The following TMEM94 variants were observed in gnomAD, a reference collection of about 807,000 sequenced individuals.
TMEM94 encodes the protein transmembrane protein 94.
In TMEM94, 81 loss-of-function variants were observed where a neutral mutation model predicts 158.6. The observed-to-expected ratio is 0.51, with a 90% confidence interval of 0.43 to 0.61. The LOEUF (loss-of-function observed/expected upper bound fraction) is 0.61. TMEM94 is among the 20% of genes least tolerant of loss of function. The probability of loss-of-function intolerance (pLI) is 0.00; values close to 1 mark genes in which losing one functional copy is unlikely to be tolerated. For synonymous variants in TMEM94, 751 were observed against 730.7 expected, an observed-to-expected ratio of 1.03 and a Z score of -0.45; for missense variants, 1,435 against 1,762.0, an observed-to-expected ratio of 0.81 and a Z score of 3.32.
rs758916342 is a variant in TMEM94 at position 75,490,771 on chromosome 17, C to T, written c.1128+13C>T. 1.7e-5 allele frequency: 28 copies of T among 1,611,616 alleles called. No homozygotes were observed. The highest frequency in any genetic ancestry group is 2.3e-5 in the Non-Finnish European group (27 of 1,177,874). ...TGTCTCCTCTCAGGTACAACACTGA[C>T]CCGGGATGGCTTCTCTCGCAGGTCC... On this transcript the variant is annotated intron_variant, in intron 11 of 31. Coordinates refer to ENST00000314256, the MANE Select transcript of TMEM94 (RefSeq NM_014738.6).
chr17:75,485,930 G>A lies in TMEM94; in HGVS notation c.204G>A (p.Pro68=), dbSNP rs755670959. The change falls in exon 4 of 32, where the codon CCG becomes CCA. Residue 68 remains proline (P), a synonymous_variant. Transcript: ENST00000314256. The surrounding 1 kb of genome is among the most constrained non-coding windows in gnomAD (Gnocchi z 5.5). ...ACCGCTGCTCCTGCTTCCACTGGCC[G>A]GGGGCCTCACTCATGCTACTGGCCG... ...HSNRCSCFHW[P]GASLMLLAVL... 1.2e-5 allele frequency: 19 copies of A among 1,613,548 alleles called. No homozygotes were observed. Among genetic ancestry groups the A allele is most frequent in the Middle Eastern group, 1.7e-4 (1 of 6,044 alleles).
intron 2 of TMEM94, among the ~76,000 whole-genome samples, chr17:75,477,501 G>A (rs889752918): frequency 2.0e-5 from 3 of 151,968 alleles, no homozygotes; most frequent in South Asian, 2.1e-4. Context: ...CACCCGCCTC[G>A]GCCTCCCAAA....
At position 75,471,926 on chromosome 17, in the gene TMEM94, C is replaced by T. The variant is rs374435144; in HGVS notation, c.21C>T (p.His7=). 1.2e-6 allele frequency: 2 copies of T among 1,613,720 alleles called. No individual in the cohort carries two copies. Among genetic ancestry groups the T allele is most frequent in the Admixed American group, 1.7e-5 (1 of 59,980 alleles). The change falls in exon 2 of 32, where the codon CAC becomes CAT. Residue 7 remains histidine, a synonymous_variant. Coordinates refer to ENST00000314256, the MANE Select transcript of TMEM94 (RefSeq NM_014738.6). ...GGCCCATGGACCTGAAGGAGAAGCA[C>T]CTGGTAGGCCATATCCTATTACCTT... MDLKEK[H]LGEPPSALGL...
At position 75,495,857 on chromosome 17, in the gene TMEM94, A is replaced by T. The variant is rs2052630079; in HGVS notation, c.2945-109A>T. The T allele has an allele frequency of 2.3e-6, 2 of 867,978 alleles. No individual in the cohort carries two copies. The highest frequency in any genetic ancestry group is 5.3e-5 in the East Asian group (2 of 37,798). 53.8% of individuals were successfully genotyped at this position (867,978 alleles called of 1,614,324 possible). ...TGCCGGGGGTGGGATTGTTTCAAAGAGGGGCCCACCTCCCATCGCCTCCTG... is the reference window on the plus strand; with the variant it reads ...TGCCGGGGGTGGGATTGTTTCAAAGTGGGGCCCACCTCCCATCGCCTCCTG... On this transcript the variant is annotated intron_variant, in intron 22 of 31. Transcript: ENST00000314256. This position sits in a 1 kb window ranked among gnomAD's most constrained non-coding sequence, Gnocchi z 5.6.
At position 75,487,233 on chromosome 17, in the gene TMEM94, A is replaced by C. The variant is rs7502073; in HGVS notation, c.410-699A>C. The stretch of plus-strand genomic sequence containing the variant: ...TTATGGAAGCCATCCCAGAGGCACG[A>C]GTGGCCTCCCAGAGCCTCCAACACA... On this transcript the variant is annotated intron_variant, in intron 5 of 31. Coordinates refer to ENST00000314256, the MANE Select transcript of TMEM94 (RefSeq NM_014738.6). The surrounding 1 kb of genome is among the most constrained non-coding windows in gnomAD (Gnocchi z 4.6). The C allele has an allele frequency of 0.86, 130,892 of 152,370 alleles. 56,847 individuals are homozygous for C. Among genetic ancestry groups the C allele is most frequent in the Middle Eastern group, 0.93 (272 of 294 alleles). 9.4% of individuals were successfully genotyped at this position (152,370 alleles called of 1,614,324 possible).
rs959412315 is a variant in TMEM94, at chr17:75,490,248, G to A, written c.969G>A (p.Leu323=). 2 of 1,613,912 alleles carry A rather than the reference G, an allele frequency of 1.2e-6. No homozygotes were observed. Among genetic ancestry groups the A allele is most frequent in the African/African-American group, 1.3e-5 (1 of 74,916 alleles). The change falls in exon 10 of 32, where the codon CTG becomes CTA. Residue 323 remains leucine, a synonymous_variant. Transcript: ENST00000314256. ...CTCCTTCCCAGGTGAATGGCGTCCTGCCCATCCTCCCCCTGCTCTTTCCAG... is the reference window on the plus strand; with the variant it reads ...CTCCTTCCCAGGTGAATGGCGTCCTACCCATCCTCCCCCTGCTCTTTCCAG... ...TLLQLQVNGV[L]PILPLLFPVL...
intron 2 of TMEM94, among the ~76,000 whole-genome samples, chr17:75,484,275 C>A (rs1278038682): frequency 6.6e-6 from 1 of 151,676 alleles, no homozygotes; most frequent in Non-Finnish European, 1.5e-5. Flanking sequence ...TGGGTTTTTT[C>A]CCTCCCTGCC....
rs1440675566 is a variant in TMEM94, at chr17:75,464,599, TTTCTTTCCTTCCTTTCTTTCTTTCCTTCC to T, written c.-106-7197_-106-7169del. Among the ~76,000 whole-genome samples the T allele has an allele frequency of 4.6e-3, 277 of 60,296 alleles. 15 individuals are homozygous for T. Among genetic ancestry groups the T allele is most frequent in the African/African-American group, 0.011 (238 of 22,300 alleles). The allele number at this position is 60,296 out of a possible 152,430, so 39.6% of individuals were successfully genotyped here. ...TGTATTTTTTCATTTTCTTTCTTTCTTTCTTTCCTTCCTTTCTTTCTTTCCTTCCTTCCTTCCTTCCTTCCTTCCTTCCT... is the reference window on the plus strand; with the variant it reads ...TGTATTTTTTCATTTTCTTTCTTTCTTTCCTTCCTTCCTTCCTTCCTTCCT... On this transcript the variant is annotated intron_variant, in intron 1 of 31. Transcript: ENST00000314256.
Position 75,492,212 on chromosome 17 carries a change from CTT to C in TMEM94, c.1597-260_1597-259del, listed in dbSNP as rs2052264886. 1 of 1,387,818 alleles carries C rather than the reference CTT, an allele frequency of 7.2e-7. No individual in the cohort carries two copies. Among genetic ancestry groups the C allele is most frequent in the Non-Finnish European group, 9.4e-7 (1 of 1,062,530 alleles). The allele number at this position is 1,387,818 out of a possible 1,614,324, so 86.0% of individuals were successfully genotyped here. A position where few individuals can be genotyped will look rare whatever the true frequency, so the allele number is the denominator to read the frequency against. On this transcript the variant is annotated intron_variant, in intron 14 of 31. Coordinates refer to ENST00000314256, the MANE Select transcript of TMEM94 (RefSeq NM_014738.6). This position sits in a 1 kb window ranked among gnomAD's most constrained non-coding sequence, Gnocchi z 4.4. ...ACAGAAGATCCCTCAACTGTGTCCT[CTT>C]TGGTCTGGCCACCCCTCTTTTTAGC...
chr17:75,492,778 C>T lies in TMEM94; in HGVS notation c.1901C>T (p.Ala634Val), dbSNP rs867974517. ...VHVPWGLCELARLIGFTPGAK... is the reference protein window; with the variant it reads ...VHVPWGLCELVRLIGFTPGAK... Reference sequence around the variant, plus strand: ...GTGCCCTGGGGCCTCTGCGAGCTTGCCCGCCTCATTGGTACAGGTCCCCAT... The same window carrying T: ...GTGCCCTGGGGCCTCTGCGAGCTTGTCCGCCTCATTGGTACAGGTCCCCAT... The change falls in exon 15 of 32, where the codon GCC (alanine) becomes GTC (valine). Residue 634 changes from alanine (A) to valine (V), a missense_variant. Physicochemically the swap from Ala to Val is moderately conservative, Grantham distance 64. Around this residue, in one of 3 missense-constraint regions of TMEM94, gnomAD observed 1,051 missense variants for 1,254.4 expected, o/e 0.84. Coordinates refer to ENST00000314256, the MANE Select transcript of TMEM94 (RefSeq NM_014738.6). This position sits in a 1 kb window ranked among gnomAD's most constrained non-coding sequence, Gnocchi z 4.4. 1 of 1,605,452 alleles carries T rather than the reference C, an allele frequency of 6.2e-7. No homozygotes were observed. The highest frequency in any genetic ancestry group is 1.1e-5 in the South Asian group (1 of 90,866).
Position 75,499,784 on chromosome 17 carries a change from C to T in TMEM94, c.*450C>T, listed in dbSNP as rs962000987. On this transcript the variant is annotated 3_prime_UTR_variant, in exon 32 of 32. Transcript: ENST00000314256. ...CGACGCGTCCAACTCCCAAGGCTGC[C>T]GTGGAGGGCAGGGGGGTGGTGCTTG... The T allele has an allele frequency of 3.0e-5, 5 of 166,040 alleles. No homozygotes were observed. Among genetic ancestry groups the T allele is most frequent in the Non-Finnish European group, 4.0e-5 (3 of 75,506 alleles). 10.3% of individuals were successfully genotyped at this position (166,040 alleles called of 1,614,324 possible).
intron 2 of TMEM94, among the ~76,000 whole-genome samples, chr17:75,473,084 G>C (rs1029776343): frequency 1.3e-5 from 2 of 152,280 alleles, no homozygotes; most frequent in Non-Finnish European, 2.9e-5. Flanking sequence ...TCTGAATAGT[G>C]ATCTTCCTTC....
intron 2 of TMEM94, among the ~76,000 whole-genome samples, chr17:75,473,992 G>A (rs542767542): frequency 3.3e-5 from 5 of 152,236 alleles, no homozygotes; most frequent in Non-Finnish European, 7.3e-5. Context: ...GCGCGTGCCT[G>A]TAATCCCAGC....
intron 2 of TMEM94, among the ~76,000 whole-genome samples, chr17:75,484,332 C>T (rs1343471160): frequency 1.3e-5 from 2 of 151,434 alleles, no homozygotes; most frequent in Non-Finnish European, 1.5e-5. Flanking sequence ...CCCTCCCTCC[C>T]TGACAGAGCT....
At chr17:75,477,079 A>G (rs2050733731) in intron 2 of TMEM94, among the ~76,000 whole-genome samples, 1 of 152,158 alleles carries the variant, frequency 6.6e-6, no homozygotes. Flanking sequence ...ATCCCTCCTC[A>G]GGGCCAATGA....
chr17:75,465,655 T>A (rs199592868), intron 1 of TMEM94, among the ~76,000 whole-genome samples: 59 of 98,856 alleles, frequency 6.0e-4, no homozygotes, highest in Admixed American at 2.3e-3. Context: ...ATAAGAATTT[T>A]TATATATATA....
intron 6 of TMEM94, 44 bp from the exon 7 acceptor site, chr17:75,488,715 T>C: frequency 6.2e-7 from 1 of 1,608,908 alleles, no homozygotes; most frequent in Non-Finnish European, 8.5e-7. Context: ...GAGTGGCCTC[T>C]GATAGGACCC....
chr17:75,494,832 C>T (rs919153878), intron 19 of TMEM94, 24 bp downstream of exon 19: 8 of 1,612,978 alleles, frequency 5.0e-6, no homozygotes, highest in African/African-American at 1.3e-5. Context: ...TCCCTTCTGC[C>T]ACCACTAACT....
intron 10 of TMEM94, 75 bp from the exon 11 acceptor site, chr17:75,490,627 C>A (rs576057371): frequency 1.5e-6 from 2 of 1,368,226 alleles, no homozygotes; most frequent in Non-Finnish European, 2.1e-6. Flanking sequence ...TGTGGGCCCC[C>A]CCTCTGCCAG....
Sources: allele counts gnomAD v4.1 joint callset (sites outside exome capture counted in the v4.1 genomes callset), GRCh38; gene constraint gnomAD v4.1.1; regional missense constraint gnomAD v4.1.1; non-coding constraint Gnocchi (gnomAD v3.1); transcripts MANE v1.5; gene names NCBI Gene and HGNC (gene_info 2026-07-23, HGNC 2026-07-21).